Variants in ACOT1 observed in about 807,000 individuals in gnomAD.
ACOT1 encodes acyl-CoA thioesterase 1, also known as acyl-coenzyme A thioesterase 1.
Under a neutral mutation model 15.7 loss-of-function variants are expected in ACOT1, and 8 were observed. That is an observed-to-expected ratio of 0.51 (90% CI 0.30 to 0.92). The LOEUF (loss-of-function observed/expected upper bound fraction) is 0.92. ACOT1 is among the 40% of genes least tolerant of loss of function. ACOT1 has a pLI of 0.06. For synonymous variants in ACOT1, 67 were observed against 241.2 expected (o/e 0.28, Z 6.69); for missense variants, 151 against 539.4 (o/e 0.28, Z 7.13).
the ACOT1 span, chr14:73,522,385 C>T: frequency 1.9e-6 from 3 of 1,614,226 alleles, no homozygotes. Flanking sequence ...TCAGGAGCTC[C>T]AGGTCACTGG....
chr14:73,509,429 C>A, the ACOT1 span: 1 of 1,614,070 alleles, frequency 6.2e-7, no homozygotes, highest in South Asian at 1.1e-5. Context: ...AGAGCAGCCT[C>A]TAGGGCAGGC....
the ACOT1 span, among the ~76,000 whole-genome samples, chr14:73,525,152 C>T: frequency 6.6e-6 from 1 of 152,160 alleles, no homozygotes; most frequent in African/African-American, 2.4e-5. Flanking sequence ...ACTTCAGCCT[C>T]CCAAGTAGCT....
chr14:73,515,429 C>A, the ACOT1 span, among the ~76,000 whole-genome samples: 1 of 151,752 alleles, frequency 6.6e-6, no homozygotes, highest in South Asian at 2.1e-4. Context: ...CCTGTAATCC[C>A]AGCACTTTGG....
At chr14:73,519,091 T>C in the ACOT1 span, 2 of 1,614,096 alleles carry the variant, frequency 1.2e-6, no homozygotes, top group Non-Finnish European at 1.7e-6. Flanking sequence ...TAGCTGCTTG[T>C]TGTACCGATT....
the ACOT1 span, chr14:73,491,054 C>T: frequency 5.7e-6 from 9 of 1,588,988 alleles, no homozygotes; most frequent in Middle Eastern, 1.7e-4. Context: ...GCCGTTGAGG[C>T]GCGGGCGGCC....
At chr14:73,504,605 G>A in the ACOT1 span, among the ~76,000 whole-genome samples, 1 of 152,132 alleles carries the variant, frequency 6.6e-6, no homozygotes, top group African/African-American at 2.4e-5. Context: ...GACTTTAGCA[G>A]CAGGGTGCTA....
At chr14:73,514,188 G>A in the ACOT1 span, 17 of 1,614,082 alleles carry the variant, frequency 1.1e-5, no homozygotes, top group Non-Finnish European at 1.4e-5. Flanking sequence ...CCTTGGCGGG[G>A]GTGGGCAAAG....
rs1367168077 is a variant in ACOT1 at position 73,537,791 on chromosome 14, C to T, written c.370C>T (p.Arg124Trp). 2 of 1,224,436 alleles carry T rather than the reference C, an allele frequency of 1.6e-6. No homozygotes were observed. Among genetic ancestry groups the T allele is most frequent in the Admixed American group, 5.3e-5 (2 of 37,964 alleles). The allele number at this position is 1,224,436 out of a possible 1,614,324, so 75.8% of individuals were successfully genotyped here. ...PDPGRLLCRV[R>W]HERYFLPPGV... The stretch of plus-strand genomic sequence containing the variant: ...CCCCGGGCGGCTGCTGTGCCGGGTG[C>T]GGCACGAGCGCTACTTCCTCCCGCC... The change falls in exon 1 of 3, where the codon CGG becomes TGG. Residue 124 changes from arginine (R) to tryptophan (W), a missense_variant. Physicochemically the swap from Arg to Trp is moderately radical, Grantham distance 101 (BLOSUM62 -3). Coordinates refer to ENST00000311148, the MANE Select transcript of ACOT1 (RefSeq NM_001037161.2).
At chr14:73,523,589 T>C in the ACOT1 span, among the ~76,000 whole-genome samples, 2 of 152,242 alleles carry the variant, frequency 1.3e-5, no homozygotes, top group South Asian at 2.1e-4. Flanking sequence ...TCCATGAGTT[T>C]GGCCTCAGTT....
chr14:73,521,754 G>T, the ACOT1 span, among the ~76,000 whole-genome samples: 9 of 152,270 alleles, frequency 5.9e-5, no homozygotes, highest in Admixed American at 2.0e-4. Flanking sequence ...TGACACACTG[G>T]TTCCTTATTC....
chr14:73,521,687 C>T, the ACOT1 span, among the ~76,000 whole-genome samples: 1 of 152,192 alleles, frequency 6.6e-6, no homozygotes, highest in African/African-American at 2.4e-5. Flanking sequence ...ATGTAGTCAT[C>T]TTCTTCTCTC....
chr14:73,491,227 G>C, the ACOT1 span: 54 of 1,591,038 alleles, frequency 3.4e-5, no homozygotes, highest in Non-Finnish European at 4.5e-5. Context: ...GGGTGGAGTC[G>C]ACGGCCGACG....
At chr14:73,520,959 G>A in the ACOT1 span, 12 of 1,609,688 alleles carry the variant, frequency 7.5e-6, no homozygotes, top group Middle Eastern at 1.7e-4. Context: ...GGAGAGGCTC[G>A]TCTTTTCATG....
At chr14:73,504,520 G>A in the ACOT1 span, among the ~76,000 whole-genome samples, 1 of 152,150 alleles carries the variant, frequency 6.6e-6, no homozygotes, top group African/African-American at 2.4e-5. Context: ...GGGATTACAG[G>A]TGCGAGCCAC....
chr14:73,504,402 C>T, the ACOT1 span, among the ~76,000 whole-genome samples: 1 of 152,134 alleles, frequency 6.6e-6, no homozygotes, highest in Non-Finnish European at 1.5e-5. Flanking sequence ...GCCACCACAC[C>T]CGCCTAATTT....
chr14:73,531,823 C>T, the ACOT1 span, among the ~76,000 whole-genome samples: 2 of 111,132 alleles, frequency 1.8e-5, 1 homozygote, highest in Non-Finnish European at 3.9e-5. Flanking sequence ...AGTTCGAGAC[C>T]AGCCTGACCA....
In ACOT1 at chr14:73,537,602, G is replaced by A; in HGVS notation, c.181G>A (p.Asp61Asn). 1 of 1,219,016 alleles carries A rather than the reference G, an allele frequency of 8.2e-7. No homozygotes were observed. Among genetic ancestry groups the A allele is most frequent in the Non-Finnish European group, 1.1e-6 (1 of 928,604 alleles). 75.5% of individuals were successfully genotyped at this position (1,219,016 alleles called of 1,614,324 possible). A position where few individuals can be genotyped will look rare whatever the true frequency, so the allele number is the denominator to read the frequency against. ...CCGCGCCGACACCCTTGGCGAGCTG[G>A]ACCTGGAGCGCGCGCCCGCGCTGGG... ...RYRADTLGELDLERAPALGGS... is the reference protein window; with the variant it reads ...RYRADTLGELNLERAPALGGS... Residue 61 changes from aspartate to asparagine, a missense_variant, in exon 1 of 3, where the codon GAC becomes AAC. Asp to Asn is a conservative substitution (Grantham distance 23). Coordinates refer to ENST00000311148, the MANE Select transcript of ACOT1 (RefSeq NM_001037161.2).
At chr14:73,495,836 G>A in the ACOT1 span, among the ~76,000 whole-genome samples, 1 of 151,922 alleles carries the variant, frequency 6.6e-6, no homozygotes, top group Non-Finnish European at 1.5e-5. Context: ...TGAAAAATTA[G>A]AACAATCCAG....
chr14:73,514,980 A>C, the ACOT1 span, among the ~76,000 whole-genome samples: 1 of 151,808 alleles, frequency 6.6e-6, no homozygotes, highest in Non-Finnish European at 1.5e-5. Context: ...AGGCAGGAGA[A>C]TCACTTGAAC....
Sources: allele counts gnomAD v4.1 joint callset (sites outside exome capture counted in the v4.1 genomes callset), GRCh38; gene constraint gnomAD v4.1.1; transcripts MANE v1.5; gene names NCBI Gene and HGNC (gene_info 2026-07-23, HGNC 2026-07-21).